The following STARD10 variants were observed in gnomAD, a reference collection of about 807,000 sequenced individuals.
STARD10 encodes the protein START domain-containing protein 10.
Under a neutral mutation model 36.0 loss-of-function variants are expected in STARD10, and 24 were observed. The observed-to-expected ratio is 0.67, with a 90% CI of 0.48 to 0.94. STARD10 has a LOEUF of 0.94. STARD10 is among the 40% of genes least tolerant of loss of function. The pLI, the probability that STARD10 is intolerant of heterozygous loss-of-function variation, is 0.00. For synonymous variants in STARD10, 156 were observed against 161.9 expected, an observed-to-expected ratio of 0.96 and a Z score of 0.28; for missense variants, 335 against 396.6, an observed-to-expected ratio of 0.84 and a Z score of 1.32.
intron 2 of STARD10, chr11:72,780,633 A>G (rs1858979966): frequency 5.0e-6 from 2 of 397,214 alleles, no homozygotes; most frequent in Admixed American, 3.6e-5. Flanking sequence ...CAAGTCAGGA[A>G]CCAGGTGCAG....
chr11:72,764,916 G>C (rs753955641), intron 2 of STARD10, among the ~76,000 whole-genome samples: 4 of 152,216 alleles, frequency 2.6e-5, no homozygotes, highest in Non-Finnish European at 5.9e-5. Flanking sequence ...TGCTGGGCTT[G>C]AGTACGTTTA....
At chr11:72,775,036 G>T (rs1362580781) in intron 2 of STARD10, among the ~76,000 whole-genome samples, 3 of 152,200 alleles carry the variant, frequency 2.0e-5, no homozygotes, top group Non-Finnish European at 4.4e-5. Flanking sequence ...AGTCCCAGCA[G>T]GGACACAGCC....
At chr11:72,789,726 G>C (rs1165681904) in intron 1 of STARD10, among the ~76,000 whole-genome samples, 1 of 152,180 alleles carries the variant, frequency 6.6e-6, no homozygotes, top group Non-Finnish European at 1.5e-5. Context: ...TGAAGGCTCT[G>C]CCCTGGGTCA....
At chr11:72,762,720 G>T (rs1858737715) in intron 2 of STARD10, among the ~76,000 whole-genome samples, 1 of 152,144 alleles carries the variant, frequency 6.6e-6, no homozygotes, top group South Asian at 2.1e-4. Flanking sequence ...CTGGGTCGGG[G>T]GATCAGGCTT....
Position 72,760,217 on chromosome 11 carries a change from T to TTTCA in STARD10, c.208-840_208-837dup, listed in dbSNP as rs562315770. ...CACCCGGCCTGGATTTCTTTCTTTT[T>TTTCA]TTCATTCATTCATTCATTCATTTAT... On this transcript the variant is annotated intron_variant, in intron 2 of 6. Coordinates refer to ENST00000334805, the MANE Select transcript of STARD10 (RefSeq NM_006645.3). Among the ~76,000 whole-genome samples, 472 of 150,962 alleles carry TTTCA rather than the reference T, an allele frequency of 3.1e-3. 1 individual carries two copies. The highest frequency in any genetic ancestry group is 4.5e-3 in the Non-Finnish European group (306 of 67,780).
chr11:72,773,510 C>T (rs1033530194), intron 2 of STARD10, among the ~76,000 whole-genome samples: 3 of 152,216 alleles, frequency 2.0e-5, no homozygotes, highest in Admixed American at 1.3e-4. Flanking sequence ...CACAGAGTAA[C>T]GCCAGACACA....
At chr11:72,791,000 G>A (rs1859136475) in intron 1 of STARD10, among the ~76,000 whole-genome samples, 1 of 152,204 alleles carries the variant, frequency 6.6e-6, no homozygotes, top group African/African-American at 2.4e-5. Context: ...TAACAACAGT[G>A]GCTAACAGTT....
chr11:72,791,048 A>G (rs1859137202), intron 1 of STARD10, among the ~76,000 whole-genome samples: 1 of 152,216 alleles, frequency 6.6e-6, no homozygotes, highest in African/African-American at 2.4e-5. Flanking sequence ...TGGTCTATGC[A>G]CTTAACAGGT....
At chr11:72,767,207 C>T (rs531714361) in intron 2 of STARD10, among the ~76,000 whole-genome samples, 1 of 152,162 alleles carries the variant, frequency 6.6e-6, no homozygotes, top group Non-Finnish European at 1.5e-5. Flanking sequence ...ACCTCCATAA[C>T]CATTACCATT....
In STARD10 at chr11:72,781,902, G is replaced by A. The variant is rs1314548379; in HGVS notation, c.-113-608C>T. The A allele has an allele frequency of 2.0e-5, 3 of 151,564 alleles. No individual in the cohort carries two copies. The highest frequency in any genetic ancestry group is 3.0e-5 in the Non-Finnish European group (2 of 67,744). 9.4% of individuals were successfully genotyped at this position (151,564 alleles called of 1,614,324 possible). ...TCCAGGCTGCGGAGGTGAAGCTGAC[G>A]GATCTCCGAGCCCCGCCCCGCCCCA... On this transcript the variant is annotated intron_variant, in intron 1 of 6. Coordinates refer to ENST00000334805, the MANE Select transcript of STARD10 (RefSeq NM_006645.3). The surrounding 1 kb of genome is among the most constrained non-coding windows in gnomAD (Gnocchi z 4.7).
intron 2 of STARD10, among the ~76,000 whole-genome samples, chr11:72,760,947 T>C (rs1285813210): frequency 2.0e-5 from 3 of 152,064 alleles, no homozygotes; most frequent in South Asian, 2.1e-4. Flanking sequence ...AAGGGAACCC[T>C]CACATAATAC....
intron 2 of STARD10, among the ~76,000 whole-genome samples, chr11:72,771,208 C>T (rs1411310389): frequency 6.6e-6 from 1 of 152,160 alleles, no homozygotes; most frequent in East Asian, 1.9e-4. Context: ...CTGTGTAGGA[C>T]CCAAGGAATC....
intron 2 of STARD10, among the ~76,000 whole-genome samples, chr11:72,778,841 T>G (rs1310116725): frequency 6.6e-6 from 1 of 152,170 alleles, no homozygotes. Context: ...CTCCAACATC[T>G]GTTCAGTCTG....
chr11:72,787,752 C>T (rs1184527523), intron 1 of STARD10, among the ~76,000 whole-genome samples: 2 of 152,238 alleles, frequency 1.3e-5, no homozygotes, highest in East Asian at 3.8e-4. Flanking sequence ...GTGGGGGCAT[C>T]GGTGTCTTGT....
rs1591275743 is a variant in STARD10 at position 72,792,993 on chromosome 11, C to G, written c.-232G>C. 6.5e-6 allele frequency: 1 copy of G among 152,780 alleles called. No homozygotes were observed. The highest frequency in any genetic ancestry group is 1.5e-5 in the Non-Finnish European group (1 of 68,512). The allele number at this position is 152,780 out of a possible 1,614,324, so 9.5% of individuals were successfully genotyped here. A position where few individuals can be genotyped will look rare whatever the true frequency, so the allele number is the denominator to read the frequency against. On this transcript the variant is annotated 5_prime_UTR_variant, in exon 1 of 7. Coordinates refer to ENST00000334805, the MANE Select transcript of STARD10 (RefSeq NM_006645.3). ...TCAACACAGCAGGGTCTTCCTCCAT[C>G]AGGCCAAGGTGGGGGTAGGAGAAGA...
At chr11:72,766,368 G>A (rs1306323958) in intron 2 of STARD10, among the ~76,000 whole-genome samples, 1 of 152,150 alleles carries the variant, frequency 6.6e-6, no homozygotes, top group Non-Finnish European at 1.5e-5. Flanking sequence ...AAGAGGTTCC[G>A]CCAAGTAGAG....
rs1403801316 is a variant in STARD10 at position 72,759,319 on chromosome 11, C to T, written c.270G>A (p.Glu90=). Residue 90 remains glutamate (E), a synonymous_variant, in exon 3 of 7, where the codon GAG becomes GAA. Coordinates refer to ENST00000334805, the MANE Select transcript of STARD10 (RefSeq NM_006645.3). ...ETLYDVLHDI[E]YRKKWDSNVI... is the part of the protein sequence containing the mutation. ...CGTTGCTGTCCCATTTCTTGCGGTACTCAATGTCGTGTAGGACGTCGTAGA... is the reference window on the plus strand; with the variant it reads ...CGTTGCTGTCCCATTTCTTGCGGTATTCAATGTCGTGTAGGACGTCGTAGA... 1.2e-6 allele frequency: 2 copies of T among 1,614,128 alleles called. No individual in the cohort carries two copies. Among genetic ancestry groups the T allele is most frequent in the Admixed American group, 1.7e-5 (1 of 60,006 alleles).
chr11:72,778,483 C>T (rs914595353), intron 2 of STARD10, among the ~76,000 whole-genome samples: 1 of 152,206 alleles, frequency 6.6e-6, no homozygotes, highest in African/African-American at 2.4e-5. Flanking sequence ...CTCTGTCCAT[C>T]TCTCCCAGAG....
chr11:72,792,689 C>T (rs888379233), intron 1 of STARD10, among the ~76,000 whole-genome samples, 186 bp downstream of exon 1: 1 of 152,120 alleles, frequency 6.6e-6, no homozygotes, highest in Non-Finnish European at 1.5e-5. Context: ...TCTCATCAGC[C>T]AGGCCAGCCC....
Sources: gnomAD v4.1 joint callset for allele counts (sites outside exome capture counted in the v4.1 genomes callset) on GRCh38, gnomAD v4.1.1 for gene constraint, Gnocchi (gnomAD v3.1) non-coding constraint, MANE v1.5 for transcripts, NCBI Gene and HGNC (gene_info 2026-07-23, HGNC 2026-07-21) for gene names.